NEK6: variants seen among roughly 807,000 people sequenced by gnomAD.
The protein encoded by NEK6 is serine/threonine-protein kinase Nek6.
In NEK6, 27 loss-of-function variants were observed where a neutral mutation model predicts 43.5. The observed-to-expected ratio is 0.62, with a 90% CI of 0.46 to 0.86. NEK6 has a LOEUF of 0.86. Among genes scored for constraint, NEK6 ranks in the 40% least tolerant of loss-of-function variants. NEK6 has a pLI of 0.00. For missense variants in NEK6, 318 were observed against 414.4 expected, an observed-to-expected ratio of 0.77 and a Z score of 2.02; for synonymous variants, 167 against 164.1, an observed-to-expected ratio of 1.02 and a Z score of -0.14.
chr9:124,346,515 G>A (rs866360974), intron 8 of NEK6, among the ~76,000 whole-genome samples: 1 of 152,184 alleles, frequency 6.6e-6, no homozygotes, highest in South Asian at 2.1e-4. Context: ...CCCTCCGGGG[G>A]GGAACCGGGG....
chr9:124,298,929 TCCTGGAGC>T (rs1362907042), intron 1 of NEK6, among the ~76,000 whole-genome samples: 1 of 152,244 alleles, frequency 6.6e-6, no homozygotes, highest in Non-Finnish European at 1.5e-5. Context: ...CTTGCACTGC[TCCTGGAGC>T]CCTGCCCATG....
chr9:124,337,699 C>G (rs1406781386), intron 7 of NEK6, among the ~76,000 whole-genome samples: 1 of 152,238 alleles, frequency 6.6e-6, no homozygotes, highest in Non-Finnish European at 1.5e-5. Context: ...AACAAAGCCA[C>G]TCTGCACATT....
At chr9:124,286,781 C>G (rs1832184200) in intron 1 of NEK6, among the ~76,000 whole-genome samples, 1 of 152,212 alleles carries the variant, frequency 6.6e-6, no homozygotes, top group Admixed American at 6.5e-5. Context: ...GCCATGAGCT[C>G]CAGAGGCTGC....
chr9:124,261,606 T>G, intron 1 of NEK6: 1 of 984,848 alleles, frequency 1.0e-6, no homozygotes, highest in Non-Finnish European at 1.2e-6. Context: ...TCACTTGTCA[T>G]TTAAGTCCCC....
At chr9:124,331,816 C>T (rs1367163212) in intron 7 of NEK6, among the ~76,000 whole-genome samples, 1 of 152,218 alleles carries the variant, frequency 6.6e-6, no homozygotes, top group Non-Finnish European at 1.5e-5. Flanking sequence ...GACACCTGTC[C>T]GTGCAGGTGC....
At chr9:124,313,078 A>C (rs1833619385) in intron 3 of NEK6, among the ~76,000 whole-genome samples, 1 of 151,962 alleles carries the variant, frequency 6.6e-6, no homozygotes, top group African/African-American at 2.4e-5. Context: ...GTCCCTCCTA[A>C]ATGGAGGAAG....
At chr9:124,291,248 C>T (rs1356717530) in intron 1 of NEK6, among the ~76,000 whole-genome samples, 3 of 152,166 alleles carry the variant, frequency 2.0e-5, no homozygotes, top group Non-Finnish European at 2.9e-5. Flanking sequence ...CCAGGACTGC[C>T]GCCTGCCAGG....
chr9:124,288,648 A>C (rs867135593), intron 1 of NEK6, among the ~76,000 whole-genome samples: 2 of 152,152 alleles, frequency 1.3e-5, no homozygotes, highest in Admixed American at 6.5e-5. Context: ...CTGGTATTTT[A>C]CCTGCATGTA....
Position 124,313,948 on chromosome 9 carries a change from C to T in NEK6, c.257C>T (p.Ala86Val), listed in dbSNP as rs1386167089. Residue 86 changes from alanine to valine, a missense_variant, in exon 4 of 10, where the codon GCG (alanine) becomes GTG (valine). Transcript: ENST00000320246. ...VQIFEMMDAK[A>V]RQDCVKEIGL... ...ATCTTTGAGATGATGGACGCCAAGG[C>T]GAGGCAGGACTGTGTCAAGGAGATC... 2 of 1,614,090 alleles carry T rather than the reference C, an allele frequency of 1.2e-6. No homozygotes were observed. Among genetic ancestry groups the T allele is most frequent in the African/African-American group, 1.3e-5 (1 of 74,940 alleles).
chr9:124,281,284 A>G (rs1176454844), intron 1 of NEK6, among the ~76,000 whole-genome samples: 4 of 152,012 alleles, frequency 2.6e-5, no homozygotes, highest in African/African-American at 9.7e-5. Context: ...TTTTGTACTC[A>G]TAGGAGAATG....
At chr9:124,258,351 GC>G in intron 1 of NEK6, 1 of 985,142 alleles carries the variant, frequency 1.0e-6, no homozygotes, top group Non-Finnish European at 1.2e-6. Flanking sequence ...GCGTCTGGTG[GC>G]GTTGTTGGGG....
chr9:124,316,035 C>A (rs1404336618), intron 4 of NEK6, among the ~76,000 whole-genome samples: 1 of 152,218 alleles, frequency 6.6e-6, no homozygotes, highest in Non-Finnish European at 1.5e-5. Flanking sequence ...ATGGTTGCCA[C>A]CTCTGCCCGC....
chr9:124,333,980 T>C (rs1829160189), intron 7 of NEK6, among the ~76,000 whole-genome samples: 2 of 152,108 alleles, frequency 1.3e-5, no homozygotes, highest in South Asian at 4.1e-4. Flanking sequence ...GGTTTCACCA[T>C]GTTAGCCAGG....
At chr9:124,271,267 G>A (rs1039408774) in intron 1 of NEK6, among the ~76,000 whole-genome samples, 4 of 152,260 alleles carry the variant, frequency 2.6e-5, no homozygotes, top group Non-Finnish European at 4.4e-5. Context: ...GAGTGGCGCG[G>A]TTGCCAACCT....
chr9:124,296,318 G>C (rs1433232371), intron 1 of NEK6, among the ~76,000 whole-genome samples: 2 of 152,232 alleles, frequency 1.3e-5, no homozygotes, highest in African/African-American at 4.8e-5. Context: ...GTGAAGCTGT[G>C]CCCTCGGCTG....
At chr9:124,321,375 C>T in intron 4 of NEK6, 84 bp from the exon 5 acceptor site, 1 of 822,698 alleles carries the variant, frequency 1.2e-6, no homozygotes, top group South Asian at 1.5e-5. Flanking sequence ...TGACCGGGTG[C>T]CAGCAGGGTG....
intron 1 of NEK6, among the ~76,000 whole-genome samples, chr9:124,290,513 G>C (rs1832370154): frequency 1.3e-5 from 2 of 152,280 alleles, no homozygotes; most frequent in Non-Finnish European, 2.9e-5. Flanking sequence ...GCTGCTGTAT[G>C]CCTGTGTCAG....
At chr9:124,281,810 T>C (rs1457986482) in intron 1 of NEK6, among the ~76,000 whole-genome samples, 1 of 152,200 alleles carries the variant, frequency 6.6e-6, no homozygotes, top group Non-Finnish European at 1.5e-5. Context: ...GTCCTTTCTT[T>C]TATGAAAGAT....
At position 124,352,457 on chromosome 9, in the gene NEK6, T is replaced by C. The variant is rs1830322329; in HGVS notation, c.*1510T>C. Reference sequence around the variant, plus strand: ...AGATTTTAAAATGGCTTTGGAGATTTTGCTTTTAAACCAGTAGATTCAAAA... The same window carrying C: ...AGATTTTAAAATGGCTTTGGAGATTCTGCTTTTAAACCAGTAGATTCAAAA... On this transcript the variant is annotated 3_prime_UTR_variant, in exon 10 of 10. Coordinates refer to ENST00000320246, the MANE Select transcript of NEK6 (RefSeq NM_014397.6). 6.6e-6 allele frequency: 1 copy of C among 152,252 alleles called. No homozygotes were observed. The highest frequency in any genetic ancestry group is 6.5e-5 in the Admixed American group (1 of 15,292). The allele number at this position is 152,252 out of a possible 1,614,324, so 9.4% of individuals were successfully genotyped here.
Sources: gnomAD v4.1 joint callset for allele counts (sites outside exome capture counted in the v4.1 genomes callset) on GRCh38, gnomAD v4.1.1 for gene constraint, MANE v1.5 for transcripts, NCBI Gene and HGNC (gene_info 2026-07-23, HGNC 2026-07-21) for gene names.